Variants in PPP1R9A observed in about 807,000 individuals in gnomAD.
PPP1R9A encodes neurabin-1.
In PPP1R9A, 59 loss-of-function variants were observed where a neutral mutation model predicts 141.9. That is an observed-to-expected ratio of 0.42 (90% CI 0.34 to 0.52). The LOEUF (loss-of-function observed/expected upper bound fraction) is 0.52, where lower values mean the gene tolerates loss of function less well. Among genes scored for constraint, PPP1R9A ranks in the 20% least tolerant of loss-of-function variants. PPP1R9A has a pLI of 0.10. For missense variants in PPP1R9A, 1,444 were observed against 1,611.9 expected (o/e 0.90, Z 1.78); for synonymous variants, 500 against 569.7 (o/e 0.88, Z 1.74).
At chr7:95,187,524 C>G (rs1834824122) in intron 5 of PPP1R9A, among the ~76,000 whole-genome samples, 1 of 151,990 alleles carries the variant, frequency 6.6e-6, no homozygotes, top group Non-Finnish European at 1.5e-5. Flanking sequence ...TAGTTCTGCT[C>G]TAATGTTGGT....
At chr7:95,145,815 G>A (rs944296379) in intron 4 of PPP1R9A, among the ~76,000 whole-genome samples, 1 of 152,154 alleles carries the variant, frequency 6.6e-6, no homozygotes, top group Non-Finnish European at 1.5e-5. Context: ...CCATGTCCCT[G>A]CAAAGGACAT....
intron 4 of PPP1R9A, among the ~76,000 whole-genome samples, chr7:95,127,699 C>T (rs1275041165): frequency 3.3e-5 from 5 of 152,000 alleles, no homozygotes; most frequent in East Asian, 1.9e-4. Context: ...TTCCCAGTTT[C>T]GCTTGTTGCC....
intron 2 of PPP1R9A, among the ~76,000 whole-genome samples, chr7:95,075,743 A>G (rs564140695): frequency 1.3e-5 from 2 of 152,224 alleles, no homozygotes; most frequent in African/African-American, 2.4e-5. Flanking sequence ...AGGCTGAGGC[A>G]GGAGAGTGGT....
At position 95,225,995 on chromosome 7, in the gene PPP1R9A, A is replaced by C; in HGVS notation, c.1991A>C (p.Glu664Ala). Residue 664 changes from glutamate to alanine, a missense_variant, in exon 8 of 20, where the codon GAG becomes GCG. Physicochemically the swap from Glu to Ala is moderately radical, Grantham distance 107. Coordinates refer to ENST00000433360, the MANE Select transcript of PPP1R9A (RefSeq NM_001166160.2). Reference protein sequence around the residue: ...GEYATDEEEDEVGPVLPGSDM... With the variant: ...GEYATDEEEDAVGPVLPGSDM... ...TATGCCACAGATGAAGAAGAAGATG[A>C]GGTAGGACCTGTCCTTCCTGGCAGC... is the stretch of plus-strand genomic sequence containing the variant. The C allele has an allele frequency of 6.2e-7, 1 of 1,611,962 alleles. No individual in the cohort carries two copies. Among genetic ancestry groups the C allele is most frequent in the African/African-American group, 1.3e-5 (1 of 74,994 alleles).
At chr7:94,921,863 A>G (rs916584464) in intron 2 of PPP1R9A, among the ~76,000 whole-genome samples, 103 of 151,960 alleles carry the variant, frequency 6.8e-4, no homozygotes, top group African/African-American at 2.4e-3. Flanking sequence ...ACCTGTAAGT[A>G]AGTCTTTTGA....
rs143675765 is a variant in PPP1R9A at position 95,223,875 on chromosome 7, G to A, written c.1957-2086G>A. On this transcript the variant is annotated intron_variant, in intron 7 of 19. Coordinates refer to ENST00000433360, the MANE Select transcript of PPP1R9A (RefSeq NM_001166160.2). The stretch of plus-strand genomic sequence containing the variant: ...CTCTATATGAAAATTTTTCAGCAAG[G>A]TATCTTGAGATTATTTACTTGCCAG... 7.0e-3 allele frequency among the ~76,000 whole-genome samples: 1,068 copies of A among 151,998 alleles called. 27 individuals are homozygous for A. Among genetic ancestry groups the A allele is most frequent in the Admixed American group, 0.039 (600 of 15,200 alleles).
intron 7 of PPP1R9A, among the ~76,000 whole-genome samples, chr7:95,224,712 G>A (rs1315807357): frequency 6.6e-6 from 1 of 152,032 alleles, no homozygotes; most frequent in African/African-American, 2.4e-5. Context: ...ACATAGGTGG[G>A]GGGAAAGGGG....
At chr7:95,188,806 C>G (rs1213051823) in intron 5 of PPP1R9A, among the ~76,000 whole-genome samples, 1 of 151,946 alleles carries the variant, frequency 6.6e-6, no homozygotes, top group African/African-American at 2.4e-5. Context: ...ACCATCTTGG[C>G]CAGGCTGGTC....
intron 5 of PPP1R9A, among the ~76,000 whole-genome samples, chr7:95,196,883 T>C (rs1836365280): frequency 1.3e-5 from 2 of 152,146 alleles, no homozygotes; most frequent in South Asian, 2.1e-4. Context: ...ACATTTAAAA[T>C]TCATGTATTT....
In PPP1R9A at chr7:95,268,567, C is replaced by G; in HGVS notation, c.2683C>G (p.Pro895Ala). ...ATTCTTAGACTTGAATGAAGCAGTCCCAGAGACAGAGCGCCTGGATTCAAA... is the reference window on the plus strand; with the variant it reads ...ATTCTTAGACTTGAATGAAGCAGTCGCAGAGACAGAGCGCCTGGATTCAAA... ...GLSQDLNEAVPETERLDSKAL... is the reference protein window; with the variant it reads ...GLSQDLNEAVAETERLDSKAL... Residue 895 changes from proline to alanine, a missense_variant, in exon 13 of 20, where the codon CCA becomes GCA. Coordinates refer to ENST00000433360, the MANE Select transcript of PPP1R9A (RefSeq NM_001166160.2). The G allele has an allele frequency of 6.2e-7, 1 of 1,613,122 alleles. No homozygotes were observed. Among genetic ancestry groups the G allele is most frequent in the African/African-American group, 1.3e-5 (1 of 74,944 alleles).
chr7:95,072,708 A>T (rs1349589284), intron 2 of PPP1R9A, among the ~76,000 whole-genome samples: 4 of 114,416 alleles, frequency 3.5e-5, no homozygotes, highest in Non-Finnish European at 6.7e-5. Flanking sequence ...TATAATATAT[A>T]ATATATTATA....
chr7:94,970,165 TCA>T (rs2151215379), intron 2 of PPP1R9A, among the ~76,000 whole-genome samples: 1 of 152,210 alleles, frequency 6.6e-6, no homozygotes, highest in African/African-American at 2.4e-5. Flanking sequence ...CGGTTCTGTC[TCA>T]CAGGCATTCC....
chr7:95,192,885 A>G (rs1331251112), intron 5 of PPP1R9A, among the ~76,000 whole-genome samples: 2 of 152,132 alleles, frequency 1.3e-5, no homozygotes, highest in Admixed American at 6.5e-5. Flanking sequence ...CTTACAGGAC[A>G]TATTTATAAA....
intron 5 of PPP1R9A, among the ~76,000 whole-genome samples, chr7:95,167,802 C>T (rs1344242539): frequency 6.8e-6 from 1 of 147,594 alleles, no homozygotes; most frequent in Non-Finnish European, 1.5e-5. Flanking sequence ...ACCAAATTTA[C>T]AATAGTTAAA....
At chr7:95,167,730 GA>G (rs1343075554) in intron 5 of PPP1R9A, among the ~76,000 whole-genome samples, 1 of 151,850 alleles carries the variant, frequency 6.6e-6, no homozygotes, top group African/African-American at 2.4e-5. Context: ...TCAGCATACA[GA>G]AAATAAGTGC....
chr7:95,099,567 C>T (rs1818481960), intron 2 of PPP1R9A, among the ~76,000 whole-genome samples: 1 of 152,102 alleles, frequency 6.6e-6, no homozygotes, highest in South Asian at 2.1e-4. Context: ...TAGAATTTGT[C>T]CAAATTCAGG....
chr7:95,251,722 G>T, intron 10 of PPP1R9A, 40 bp from the exon 11 acceptor site: 1 of 1,546,702 alleles, frequency 6.5e-7, no homozygotes, highest in East Asian at 2.3e-5. Context: ...TTCATTTATT[G>T]AGTGTATGAT....
intron 2 of PPP1R9A, among the ~76,000 whole-genome samples, chr7:94,928,876 AATT>A (rs925020143): frequency 1.3e-5 from 2 of 152,138 alleles, no homozygotes; most frequent in African/African-American, 4.8e-5. Flanking sequence ...GTGCCACTCC[AATT>A]ATTTTGTGAG....
intron 4 of PPP1R9A, 124 bp downstream of exon 4, chr7:95,120,956 T>A: frequency 7.1e-6 from 9 of 1,271,576 alleles, no homozygotes; most frequent in Non-Finnish European, 9.8e-6. Context: ...GTTTCTCAGA[T>A]GTGAAAATCT....
Sources: allele counts gnomAD v4.1 joint callset (sites outside exome capture counted in the v4.1 genomes callset), GRCh38; gene constraint gnomAD v4.1.1; transcripts MANE v1.5; gene names NCBI Gene and HGNC (gene_info 2026-07-23, HGNC 2026-07-21).